The following TRIO variants were observed in gnomAD, a reference collection of about 807,000 sequenced individuals.
TRIO encodes the protein trio Rho guanine nucleotide exchange factor, also known as triple functional domain protein.
In TRIO, 58 loss-of-function variants were observed where a neutral mutation model predicts 351.9. The ratio of observed to expected loss-of-function variants is 0.16; its 90% CI spans 0.13 to 0.21. The LOEUF is 0.21. TRIO is among the 10% of genes least tolerant of loss of function. TRIO has a pLI of 1.00. For synonymous variants in TRIO, 1,758 were observed against 1,595.7 expected (o/e 1.10, Z -2.42); for missense variants, 3,201 against 4,027.8 (o/e 0.79, Z 5.56).
intron 34 of TRIO, among the ~76,000 whole-genome samples, chr5:14,421,704 G>A (rs951446869): frequency 3.9e-5 from 6 of 152,094 alleles, no homozygotes; most frequent in Non-Finnish European, 1.5e-5. Flanking sequence ...AACGGAGGGC[G>A]TCTTCAACCA....
In TRIO at chr5:14,299,847, C is replaced by T. The variant is rs75541828; in HGVS notation, c.1368+2584C>T. On this transcript the variant is annotated intron_variant, in intron 7 of 56. Coordinates refer to ENST00000344204, the MANE Select transcript of TRIO (RefSeq NM_007118.4). ...ACTCCATGGTTAATGAGCTTACTAA[C>T]GGCAGCCGCCTTCTCTGTAAGGATT... Among the ~76,000 whole-genome samples, 71 of 152,334 alleles carry T rather than the reference C, an allele frequency of 4.7e-4. No individual in the cohort carries two copies. The East Asian group carries it at 0.013, about 27-fold the overall frequency.
intron 8 of TRIO, among the ~76,000 whole-genome samples, chr5:14,305,428 A>G (rs766747653): frequency 4.2e-4 from 64 of 152,206 alleles, no homozygotes; most frequent in Non-Finnish European, 7.5e-4. Context: ...GTAGAGAGGA[A>G]TTCTGTGTCC....
chr5:14,250,564 TA>T (rs1459179458), intron 1 of TRIO, among the ~76,000 whole-genome samples: 1 of 152,208 alleles, frequency 6.6e-6, no homozygotes, highest in African/African-American at 2.4e-5. Context: ...GCCTATTTAT[TA>T]GGGGAGTAAA....
intron 1 of TRIO, among the ~76,000 whole-genome samples, chr5:14,202,413 C>A (rs536546690): frequency 7.2e-6 from 1 of 138,766 alleles, no homozygotes; most frequent in East Asian, 2.3e-4. Context: ...CCCAGGGAAG[C>A]CAAAAGATTG....
At chr5:14,464,087 A>G (rs999670459) in intron 36 of TRIO, among the ~76,000 whole-genome samples, 5 of 151,490 alleles carry the variant, frequency 3.3e-5, no homozygotes, top group Non-Finnish European at 7.4e-5. Flanking sequence ...GTAGGGGAGA[A>G]GGAACAGGGA....
chr5:14,416,380 C>T (rs1297891346), intron 33 of TRIO, among the ~76,000 whole-genome samples: 1 of 151,714 alleles, frequency 6.6e-6, no homozygotes, highest in East Asian at 1.9e-4. Context: ...CATTGAGGTG[C>T]ATCCCCAGGA....
chr5:14,315,746 C>T (rs1334434136), intron 8 of TRIO, among the ~76,000 whole-genome samples: 1 of 152,150 alleles, frequency 6.6e-6, no homozygotes, highest in African/African-American at 2.4e-5. Flanking sequence ...ACTCATAAGT[C>T]TTATGAATCA....
At chr5:14,325,542 C>G (rs756247254) in intron 9 of TRIO, among the ~76,000 whole-genome samples, 9 of 152,188 alleles carry the variant, frequency 5.9e-5, no homozygotes, top group Non-Finnish European at 1.2e-4. Flanking sequence ...TGGTATCAGG[C>G]CATTGATGAG....
At chr5:14,352,049 G>A (rs1282902936) in intron 11 of TRIO, among the ~76,000 whole-genome samples, 3 of 152,200 alleles carry the variant, frequency 2.0e-5, no homozygotes, top group Admixed American at 6.5e-5. Flanking sequence ...GAGGCTTGTG[G>A]GAGGCTTCCC....
intron 1 of TRIO, among the ~76,000 whole-genome samples, chr5:14,158,847 TAAAAA>T (rs1788264197): frequency 6.6e-6 from 1 of 152,098 alleles, no homozygotes; most frequent in African/African-American, 2.4e-5. Flanking sequence ...AATAAATAAA[TAAAAA>T]TAAAGAACAA....
At chr5:14,331,488 C>T (rs759080138) in intron 10 of TRIO, among the ~76,000 whole-genome samples, 1 of 152,122 alleles carries the variant, frequency 6.6e-6, no homozygotes, top group African/African-American at 2.4e-5. Context: ...AGTAACACAG[C>T]AGAGATTCAG....
At chr5:14,398,071 G>A (rs969818358) in intron 29 of TRIO, among the ~76,000 whole-genome samples, 2 of 152,216 alleles carry the variant, frequency 1.3e-5, no homozygotes, top group African/African-American at 2.4e-5. Flanking sequence ...CTTGCCCAGA[G>A]CGTAGGTACC....
chr5:14,296,159 G>A (rs1737344417), intron 6 of TRIO, among the ~76,000 whole-genome samples: 1 of 152,140 alleles, frequency 6.6e-6, no homozygotes, highest in South Asian at 2.1e-4. Flanking sequence ...GGGAAGTTTG[G>A]ACAGATCAGG....
intron 33 of TRIO, among the ~76,000 whole-genome samples, chr5:14,412,853 C>T (rs545913387): frequency 2.0e-5 from 3 of 152,288 alleles, no homozygotes; most frequent in Non-Finnish European, 4.4e-5. Context: ...CAATCAAAAG[C>T]GAGGATGTAC....
chr5:14,485,191 A>G lies in TRIO; in HGVS notation c.6780A>G (p.Gln2260=). The change falls in exon 47 of 57, where the codon CAA becomes CAG. Residue 2260 remains glutamine (Q), a synonymous_variant. Coordinates refer to ENST00000344204, the MANE Select transcript of TRIO (RefSeq NM_007118.4). ...ILHSSSPSVR[Q]TWIHEINQIL... ...ATTCATCTAGTCCAAGTGTCCGGCA[A>G]ACTTGGATCCATGAAATCAACCAAA... 1 of 1,586,708 alleles carries G rather than the reference A, an allele frequency of 6.3e-7. No homozygotes were observed. The highest frequency in any genetic ancestry group is 8.6e-7 in the Non-Finnish European group (1 of 1,158,592).
intron 31 of TRIO, among the ~76,000 whole-genome samples, chr5:14,402,006 A>G (rs753594130): frequency 5.3e-5 from 8 of 152,100 alleles, no homozygotes; most frequent in Admixed American, 2.0e-4. Context: ...AGTGGAAGCC[A>G]TTGTGTTCAT....
intron 1 of TRIO, among the ~76,000 whole-genome samples, chr5:14,158,193 G>A (rs1005801079): frequency 2.6e-5 from 4 of 152,048 alleles, no homozygotes; most frequent in Non-Finnish European, 4.4e-5. Flanking sequence ...TTAGGAGCCC[G>A]AAGCATGCGG....
rs1037099863 is a variant in TRIO at position 14,439,372 on chromosome 5, A to G, written c.5203+19351A>G. On this transcript the variant is annotated intron_variant, in intron 34 of 56. Transcript: ENST00000344204. ...GAAATTTCCCATACATCTTTAGCCAAAATTATTGTACTCATTTTTAAGCTT... is the reference window on the plus strand; with the variant it reads ...GAAATTTCCCATACATCTTTAGCCAGAATTATTGTACTCATTTTTAAGCTT... 9.9e-5 allele frequency among the ~76,000 whole-genome samples: 15 copies of G among 152,196 alleles called. No homozygotes were observed. In the East Asian group the frequency reaches 2.7e-3, roughly 27 times the overall value.
chr5:14,492,061 T>G (rs933065544), intron 48 of TRIO, among the ~76,000 whole-genome samples: 1 of 152,240 alleles, frequency 6.6e-6, no homozygotes, highest in Non-Finnish European at 1.5e-5. Context: ...CTTAGCATGA[T>G]TCTAGAGTAT....
Sources: allele counts gnomAD v4.1 joint callset (sites outside exome capture counted in the v4.1 genomes callset), GRCh38; gene constraint gnomAD v4.1.1; transcripts MANE v1.5; gene names NCBI Gene and HGNC (gene_info 2026-07-23, HGNC 2026-07-21).